ANKS3: variants seen among roughly 807,000 people sequenced by gnomAD.
ANKS3 encodes ankyrin repeat and SAM domain-containing protein 3.
ANKS3 carries 62 observed loss-of-function variants against 80.7 expected under a neutral mutation model. That is an observed-to-expected ratio of 0.77 (90% CI 0.63 to 0.95). The LOEUF (loss-of-function observed/expected upper bound fraction) is 0.95, where lower values mean the gene tolerates loss of function less well. Ranked by LOEUF, ANKS3 falls within the 40% of genes least tolerant of loss-of-function variation. The pLI is 0.00. For synonymous variants in ANKS3, 489 were observed against 355.3 expected (o/e 1.38, Z -4.23); for missense variants, 1,150 against 883.6 (o/e 1.30, Z -3.82).
At chr16:4,707,141 C>T (rs1397641725) in intron 7 of ANKS3, among the ~76,000 whole-genome samples, 8 of 152,238 alleles carry the variant, frequency 5.3e-5, no homozygotes, top group Non-Finnish European at 8.8e-5. Flanking sequence ...ACGGCAGCTG[C>T]GTGAATCTCA....
chr16:4,716,528 G>C (rs59882048), intron 6 of ANKS3, among the ~76,000 whole-genome samples: 2,570 of 152,206 alleles, frequency 0.017, 79 homozygotes, highest in African/African-American at 0.06. Context: ...AAAAAACTGT[G>C]TTTTCACAAA....
In ANKS3 at chr16:4,698,951, G is replaced by C. The variant is rs780507211; in HGVS notation, c.1410-10C>G. The C allele has an allele frequency of 6.2e-7, 1 of 1,605,916 alleles. No homozygotes were observed. Among genetic ancestry groups the C allele is most frequent in the Non-Finnish European group, 8.5e-7 (1 of 1,174,492 alleles). ...CTTGGGCCCAAACAGCCTGCGGGGG[G>C]AATGTGACCAGGATATGCCTCAGCG... On this transcript the variant is annotated splice_polypyrimidine_tract_variant and intron_variant, in intron 12 of 17. Transcript: ENST00000304283.
In ANKS3 at chr16:4,698,123, C is replaced by A. The variant is rs1297287491; in HGVS notation, c.1725-61G>T. On this transcript the variant is annotated intron_variant, in intron 14 of 17. Transcript: ENST00000304283. ...AGGCCTGGCCGCTGCAGAGCCCCCA[C>A]CTCAGACCTTCTAGGGGAGGGAGGG... 2.0e-6 allele frequency: 3 copies of A among 1,513,496 alleles called. No individual in the cohort carries two copies. The South Asian group carries it at 3.6e-5, about 18-fold the overall frequency. The allele number at this position is 1,513,496 out of a possible 1,614,324, so 93.8% of individuals were successfully genotyped here. A position where few individuals can be genotyped will look rare whatever the true frequency, so the allele number is the denominator to read the frequency against.
intron 7 of ANKS3, among the ~76,000 whole-genome samples, chr16:4,713,601 G>A (rs1368954144): frequency 2.0e-5 from 3 of 152,196 alleles, no homozygotes; most frequent in African/African-American, 4.8e-5. Flanking sequence ...ATTGGAACAA[G>A]AAGTCATCCC....
chr16:4,715,080 G>T (rs951387630), intron 6 of ANKS3, among the ~76,000 whole-genome samples: 1 of 151,712 alleles, frequency 6.6e-6, no homozygotes, highest in African/African-American at 2.4e-5. Flanking sequence ...AATGCTCAGG[G>T]GGATAAGCAG....
rs1331694782 is a variant in ANKS3, at chr16:4,702,225, C to T, written c.886G>A (p.Gly296Ser). 1 of 1,583,658 alleles carries T rather than the reference C, an allele frequency of 6.3e-7. No individual in the cohort carries two copies. The highest frequency in any genetic ancestry group is 1.8e-5 in the Admixed American group (1 of 55,116). The change falls in exon 9 of 18, where the codon GGC becomes AGC. Residue 296 changes from glycine to serine, a missense_variant. By Grantham distance (56) the Gly-to-Ser change is moderately conservative. Transcript: ENST00000304283. Reference protein sequence around the residue: ...RPRYEQAPPRGYVTFNSSGEN... With the variant: ...RPRYEQAPPRSYVTFNSSGEN... ...CCACTGCTGTTGAAGGTGACATAGC[C>T]ACGGGGAGGAGCCTGCTCTGTGTAC...
intron 3 of ANKS3, 78 bp from the exon 4 acceptor site, chr16:4,727,255 G>C: frequency 6.8e-7 from 1 of 1,478,966 alleles, no homozygotes; most frequent in Non-Finnish European, 9.3e-7. Flanking sequence ...GCGAGGCTAG[G>C]CCAGGCGGGA....
At chr16:4,710,176 C>G (rs1421976010) in intron 7 of ANKS3, among the ~76,000 whole-genome samples, 1 of 152,016 alleles carries the variant, frequency 6.6e-6, no homozygotes, top group Admixed American at 6.6e-5. Context: ...AATTACAGAT[C>G]GAAGAAAGAA....
intron 3 of ANKS3, chr16:4,727,900 AT>A (rs1426652811): frequency 2.0e-5 from 3 of 152,758 alleles, no homozygotes; most frequent in African/African-American, 7.2e-5. Flanking sequence ...AGGGAGTCAC[AT>A]TTAAAATAAT....
intron 6 of ANKS3, 62 bp downstream of exon 6, chr16:4,724,688 T>A: frequency 6.8e-7 from 1 of 1,461,686 alleles, no homozygotes; most frequent in Non-Finnish European, 9.5e-7. Context: ...AGCTTATACT[T>A]CAGTAATATG....
At chr16:4,723,798 T>C (rs1393322378) in intron 6 of ANKS3, among the ~76,000 whole-genome samples, 1 of 152,206 alleles carries the variant, frequency 6.6e-6, no homozygotes, top group Non-Finnish European at 1.5e-5. Context: ...GGCTTGCACC[T>C]GTGATCCCAG....
At chr16:4,728,934 T>A (rs2081490149) in intron 3 of ANKS3, among the ~76,000 whole-genome samples, 1 of 152,076 alleles carries the variant, frequency 6.6e-6, no homozygotes, top group Non-Finnish European at 1.5e-5. Context: ...GGCCACAACT[T>A]GGGAACCGGA....
At chr16:4,699,533 T>C (rs1343210388) in intron 11 of ANKS3, 1 of 265,458 alleles carries the variant, frequency 3.8e-6, no homozygotes, top group Non-Finnish European at 7.5e-6. Flanking sequence ...GTGTCGGATG[T>C]TCTGATTTCC....
intron 6 of ANKS3, among the ~76,000 whole-genome samples, chr16:4,719,040 C>T (rs1366690708): frequency 2.6e-5 from 4 of 152,126 alleles, no homozygotes; most frequent in African/African-American, 4.8e-5. Context: ...GTGGTAAAGG[C>T]ATGCAAATTG....
intron 6 of ANKS3, among the ~76,000 whole-genome samples, chr16:4,721,149 T>C (rs1426889988): frequency 6.9e-6 from 1 of 144,736 alleles, no homozygotes; most frequent in Non-Finnish European, 1.5e-5. Context: ...ACTAAAAATA[T>C]GAAAAATTAG....
Position 4,697,459 on chromosome 16 carries a change from T to G in ANKS3, c.1811-43A>C, listed in dbSNP as rs746327682. 4.8e-6 allele frequency: 7 copies of G among 1,458,278 alleles called. No individual in the cohort carries two copies. In the South Asian group the frequency reaches 8.7e-5, roughly 18 times the overall value. 90.3% of individuals were successfully genotyped at this position (1,458,278 alleles called of 1,614,324 possible). On this transcript the variant is annotated intron_variant, in intron 15 of 17. Coordinates refer to ENST00000304283, the MANE Select transcript of ANKS3 (RefSeq NM_133450.4). ...GGACCGAGTTAGCTGGGGGTCTGCG[T>G]CCCCACAGGCCCTGCTTTATTCTGA...
chr16:4,731,105 T>C (rs1268547994), intron 2 of ANKS3, among the ~76,000 whole-genome samples: 1 of 152,162 alleles, frequency 6.6e-6, no homozygotes, highest in Admixed American at 6.5e-5. Context: ...GAAGCCTGCC[T>C]ACAGTATAAT....
rs757242288 is a variant in ANKS3 at position 4,727,171 on chromosome 16, C to T, written c.177G>A (p.Glu59=). ...EVVKECVQRR[E]LDLNKKNGGG... ...CACCATTCTTCTTATTCAAATCTAA[C>T]TCTCTCCTAAACAAACGCAAGATAT... Residue 59 remains glutamate (E), a synonymous_variant, in exon 4 of 18, where the codon GAG becomes GAA. Coordinates refer to ENST00000304283, the MANE Select transcript of ANKS3 (RefSeq NM_133450.4). 9.9e-6 allele frequency: 16 copies of T among 1,614,074 alleles called. No homozygotes were observed. The highest frequency in any genetic ancestry group is 1.7e-4 in the Middle Eastern group (1 of 6,048).
At chr16:4,712,063 G>A (rs888840803) in intron 7 of ANKS3, among the ~76,000 whole-genome samples, 2 of 152,154 alleles carry the variant, frequency 1.3e-5, no homozygotes, top group Admixed American at 1.3e-4. Context: ...CTGATAGACA[G>A]AACAAAAATA....
Sources: gnomAD v4.1 joint callset for allele counts (sites outside exome capture counted in the v4.1 genomes callset) on GRCh38, gnomAD v4.1.1 for gene constraint, MANE v1.5 for transcripts, NCBI Gene and HGNC (gene_info 2026-07-23, HGNC 2026-07-21) for gene names.